The following NDUFA10 variants were observed in gnomAD, a reference collection of about 807,000 sequenced individuals.
The protein encoded by NDUFA10 is NADH:ubiquinone oxidoreductase subunit A10, also known as NADH dehydrogenase [ubiquinone] 1 alpha subcomplex subunit 10, mitochondrial.
In NDUFA10, 40 loss-of-function variants were observed where a neutral mutation model predicts 47.8. The observed-to-expected ratio is 0.84, with a 90% CI of 0.65 to 1.09. The LOEUF (loss-of-function observed/expected upper bound fraction) is 1.09. Ranked by LOEUF, NDUFA10 falls within the 50% of genes least tolerant of loss-of-function variation. The probability of loss-of-function intolerance (pLI) is 0.00; values close to 1 mark genes in which losing one functional copy is unlikely to be tolerated. For missense variants in NDUFA10, 413 were observed against 451.1 expected, an observed-to-expected ratio of 0.92 and a Z score of 0.76; for synonymous variants, 183 against 172.2, an observed-to-expected ratio of 1.06 and a Z score of -0.49.
intron 8 of NDUFA10, among the ~76,000 whole-genome samples, chr2:240,003,373 C>T (rs1387361811): frequency 6.6e-6 from 1 of 152,158 alleles, no homozygotes; most frequent in Non-Finnish European, 1.5e-5. Context: ...TACATCCAAA[C>T]GTTGAGGAGA....
chr2:239,898,296 T>G (rs570701185), intron 4 of NDUFA10, among the ~76,000 whole-genome samples: 1 of 152,228 alleles, frequency 6.6e-6, no homozygotes, highest in Non-Finnish European at 1.5e-5. Flanking sequence ...CTACAGTACC[T>G]AGAAAGCCAA....
downstream of NDUFA10, among the ~76,000 whole-genome samples, chr2:239,954,392 G>A (rs1034195597): frequency 2.6e-5 from 4 of 152,246 alleles, no homozygotes; most frequent in Admixed American, 6.5e-5. Context: ...GGCTCAACCT[G>A]CCCGGCTGGG....
rs1246330280 is a variant in NDUFA10 at position 239,958,521 on chromosome 2, T to C, written c.*2597A>G. Reference sequence around the variant, plus strand: ...CCTGTGGCCTGGAGGCGGCCGCCTGTTTCCCTGCTGTTCTTGCCACAACAC... The same window carrying C: ...CCTGTGGCCTGGAGGCGGCCGCCTGCTTCCCTGCTGTTCTTGCCACAACAC... On this transcript the variant is annotated 3_prime_UTR_variant, in exon 10 of 10. Coordinates refer to ENST00000252711, the MANE Select transcript of NDUFA10 (RefSeq NM_004544.4). 6.6e-6 allele frequency: 1 copy of C among 152,230 alleles called. No homozygotes were observed. Among genetic ancestry groups the C allele is most frequent in the Non-Finnish European group, 1.5e-5 (1 of 68,048 alleles). The allele number at this position is 152,230 out of a possible 1,614,324, so 9.4% of individuals were successfully genotyped here.
Position 239,960,836 on chromosome 2 carries a change from C to G in NDUFA10, c.*282G>C, listed in dbSNP as rs948517736. ...GCAGCGCTGAAACCACAGGGGCTGC[C>G]GAGAGCTGGCCTTTCACAGCAGACC... On this transcript the variant is annotated 3_prime_UTR_variant, in exon 10 of 10. Coordinates refer to ENST00000252711, the MANE Select transcript of NDUFA10 (RefSeq NM_004544.4). The G allele has an allele frequency of 7.5e-7, 1 of 1,342,062 alleles. No homozygotes were observed. The highest frequency in any genetic ancestry group is 9.6e-7 in the Non-Finnish European group (1 of 1,038,194). 83.1% of individuals were successfully genotyped at this position (1,342,062 alleles called of 1,614,324 possible). A position where few individuals can be genotyped will look rare whatever the true frequency, so the allele number is the denominator to read the frequency against.
At chr2:239,980,809 A>G (rs1405873183) in intron 9 of NDUFA10, among the ~76,000 whole-genome samples, 1 of 152,354 alleles carries the variant, frequency 6.6e-6, no homozygotes, top group African/African-American at 2.4e-5. Flanking sequence ...CAAGAGCTGC[A>G]GAGAGCCACA....
chr2:240,004,089 G>GA (rs969996769), intron 8 of NDUFA10, among the ~76,000 whole-genome samples: 1 of 152,170 alleles, frequency 6.6e-6, no homozygotes, highest in Non-Finnish European at 1.5e-5. Flanking sequence ...GAAGGAACCA[G>GA]AAAAAGAGAG....
At chr2:239,909,952 GAA>G (rs199519387) in intron 4 of NDUFA10, among the ~76,000 whole-genome samples, 1 of 113,330 alleles carries the variant, frequency 8.8e-6, no homozygotes. Flanking sequence ...GCAAACATAT[GAA>G]AAAAAAAAAA....
Position 239,990,067 on chromosome 2 carries a change from G to C in NDUFA10, c.999+7C>G. Reference sequence around the variant, plus strand: ...CTGGCCAGCTTTCTCCATTTCCACAGTCTTACCTCTCTGAACTGATGTAAG... The same window carrying C: ...CTGGCCAGCTTTCTCCATTTCCACACTCTTACCTCTCTGAACTGATGTAAG... On this transcript the variant is annotated splice_region_variant and intron_variant, in intron 9 of 9. Transcript: ENST00000252711. 6.3e-7 allele frequency: 1 copy of C among 1,593,312 alleles called. No individual in the cohort carries two copies. Among genetic ancestry groups the C allele is most frequent in the Non-Finnish European group, 8.6e-7 (1 of 1,161,064 alleles).
intron 9 of NDUFA10, among the ~76,000 whole-genome samples, chr2:239,962,162 GA>G (rs1694879056): frequency 6.6e-6 from 1 of 151,718 alleles, no homozygotes; most frequent in Non-Finnish European, 1.5e-5. Context: ...GGAAAATGAT[GA>G]GTTTTTTCAT....
At chr2:239,992,874 C>T (rs915544650) in intron 8 of NDUFA10, among the ~76,000 whole-genome samples, 6 of 152,150 alleles carry the variant, frequency 3.9e-5, no homozygotes, top group African/African-American at 1.4e-4. Context: ...ATAATTTGGT[C>T]AGGTTATGGA....
intron 9 of NDUFA10, among the ~76,000 whole-genome samples, chr2:239,966,573 G>A (rs1350382157): frequency 6.6e-6 from 1 of 152,112 alleles, no homozygotes; most frequent in East Asian, 1.9e-4. Flanking sequence ...TATTGGACAC[G>A]CTCATCAAAC....
intron 4 of NDUFA10, among the ~76,000 whole-genome samples, chr2:239,934,001 G>A (rs1429247312): frequency 6.6e-6 from 1 of 152,124 alleles, no homozygotes; most frequent in Non-Finnish European, 1.5e-5. Flanking sequence ...GGGACTACAG[G>A]TGCACACTGC....
At chr2:239,909,820 T>C (rs1318882008) in intron 4 of NDUFA10, among the ~76,000 whole-genome samples, 1 of 151,976 alleles carries the variant, frequency 6.6e-6, no homozygotes, top group Non-Finnish European at 1.5e-5. Context: ...ACAGGCAACC[T>C]ACAGAGTGGG....
At chr2:240,010,311 T>C (rs1322015933) in intron 6 of NDUFA10, among the ~76,000 whole-genome samples, 2 of 152,162 alleles carry the variant, frequency 1.3e-5, no homozygotes, top group African/African-American at 4.8e-5. Context: ...AATAAATGCT[T>C]GAGGCTTAAC....
Position 239,990,119 on chromosome 2 carries a change from G to C in NDUFA10, c.954C>G (p.Thr318=). 6.2e-7 allele frequency: 1 copy of C among 1,613,858 alleles called. No individual in the cohort carries two copies. Among genetic ancestry groups the C allele is most frequent in the Non-Finnish European group, 8.5e-7 (1 of 1,179,850 alleles). The change falls in exon 9 of 10, where the codon ACC becomes ACG. Residue 318 remains threonine, a synonymous_variant. Coordinates refer to ENST00000252711, the MANE Select transcript of NDUFA10 (RefSeq NM_004544.4). ...TSIPIFLPEV[T]IGAHQTDRVL... ...CACGGTCAGTCTGATGAGCTCCAAT[G>C]GTGACTTCCGGGAGAAAGATAGGAA... is the stretch of plus-strand genomic sequence containing the variant.
intron 8 of NDUFA10, among the ~76,000 whole-genome samples, chr2:239,995,213 G>T (rs1294875835): frequency 2.0e-5 from 3 of 152,114 alleles, no homozygotes; most frequent in African/African-American, 7.2e-5. Context: ...AGGGGAGGCT[G>T]CAGTGAGCCA....
chr2:240,012,253 T>C, intron 5 of NDUFA10: 1 of 162,936 alleles, frequency 6.1e-6, no homozygotes, highest in Non-Finnish European at 1.4e-5. Flanking sequence ...TAATTATGAG[T>C]AGCAAGTTTT....
chr2:239,902,272 G>C (rs146851476), intron 4 of NDUFA10, among the ~76,000 whole-genome samples: 1 of 152,126 alleles, frequency 6.6e-6, no homozygotes, highest in Non-Finnish European at 1.5e-5. Context: ...TTAAGAAGTT[G>C]CCACGGCCAC....
At chr2:240,009,066 G>A (rs577446053) in intron 6 of NDUFA10, among the ~76,000 whole-genome samples, 59 of 152,278 alleles carry the variant, frequency 3.9e-4, no homozygotes, top group African/African-American at 1.4e-3. Context: ...TATTCCTATA[G>A]GTAGCTCAGG....
Sources: gnomAD v4.1 joint callset for allele counts (sites outside exome capture counted in the v4.1 genomes callset) on GRCh38, gnomAD v4.1.1 for gene constraint, MANE v1.5 for transcripts, NCBI Gene and HGNC (gene_info 2026-07-23, HGNC 2026-07-21) for gene names.